The following TTC3 variants were observed in gnomAD, a reference collection of about 807,000 sequenced individuals.
The protein encoded by TTC3 is E3 ubiquitin-protein ligase TTC3.
A neutral mutation model predicts 249.6 loss-of-function variants in TTC3; 180 were observed. The observed-to-expected ratio is 0.72, with a 90% CI of 0.64 to 0.82. TTC3 has a LOEUF of 0.82. Ranked by LOEUF, TTC3 falls within the 40% of genes least tolerant of loss-of-function variation. The pLI, the probability that TTC3 is intolerant of heterozygous loss-of-function variation, is 0.00. For missense variants in TTC3, 2,061 were observed against 2,398.4 expected (o/e 0.86, Z 2.94); for synonymous variants, 717 against 805.0 (o/e 0.89, Z 1.85).
At chr21:37,082,369 G>T in intron 1 of TTC3, 1 of 446,746 alleles carries the variant, frequency 2.2e-6, no homozygotes, top group Non-Finnish European at 3.0e-6. Context: ...TCTCCTCAAT[G>T]TAGCTGTCAC....
chr21:37,191,139 T>C (rs2084037951), intron 39 of TTC3, among the ~76,000 whole-genome samples, 195 bp from the exon 40 acceptor site: 1 of 152,190 alleles, frequency 6.6e-6, no homozygotes, highest in Admixed American at 6.5e-5. Context: ...GTTTTTGTTA[T>C]ATTAATAATT....
At chr21:37,166,471 C>T (rs2081265384) in exon 33 of TTC3, 1 of 1,614,202 alleles carries the variant, frequency 6.2e-7, no homozygotes, top group Non-Finnish European at 8.5e-7. Context: ...AGTCACACTG[C>T]AGCACAGGTG....
At chr21:37,124,179 G>A (rs565857413) in intron 13 of TTC3, among the ~76,000 whole-genome samples, 8 of 130,400 alleles carry the variant, frequency 6.1e-5, no homozygotes, top group East Asian at 2.6e-4. Flanking sequence ...GCAGTGGCAC[G>A]ATCTTGGGTC....
At chr21:37,095,288 T>G in intron 8 of TTC3, 62 bp from the exon 9 acceptor site, 1 of 1,022,100 alleles carries the variant, frequency 9.8e-7, no homozygotes, top group Non-Finnish European at 1.5e-6. Flanking sequence ...TTTTACTAGG[T>G]ATTGGGTTCT....
At chr21:37,190,520 T>G (rs2083944811) in intron 39 of TTC3, among the ~76,000 whole-genome samples, 1 of 152,196 alleles carries the variant, frequency 6.6e-6, no homozygotes, top group South Asian at 2.1e-4. Context: ...ATAGGACTAG[T>G]ACAGCTGAGG....
chr21:37,197,600 G>A (rs758643479), exon 43 of TTC3: 6 of 1,611,788 alleles, frequency 3.7e-6, no homozygotes, highest in Admixed American at 3.3e-5. Flanking sequence ...TTAAAAAAGT[G>A]CGAAGCAAAA....
chr21:37,098,023 T>G, intron 10 of TTC3: 1 of 690,240 alleles, frequency 1.4e-6, no homozygotes, highest in Non-Finnish European at 2.7e-6. Flanking sequence ...ATTAACGTTA[T>G]GCAGCTTTTA....
intron 19 of TTC3, 45 bp downstream of exon 19, chr21:37,138,759 C>T: frequency 1.5e-6 from 2 of 1,302,670 alleles, no homozygotes; most frequent in Non-Finnish European, 1.1e-6. Context: ...ATGATATTGA[C>T]ATATCTTATA....
At chr21:37,094,751 G>A (rs1293162234) in intron 8 of TTC3, among the ~76,000 whole-genome samples, 3 of 152,064 alleles carry the variant, frequency 2.0e-5, no homozygotes, top group Non-Finnish European at 2.9e-5. Context: ...CAAAATTTTA[G>A]CAATTATTCA....
At chr21:37,122,489 A>C (rs2076700746) in intron 12 of TTC3, among the ~76,000 whole-genome samples, 1 of 148,684 alleles carries the variant, frequency 6.7e-6, no homozygotes, top group Non-Finnish European at 1.5e-5. Flanking sequence ...TTGGCTGTGC[A>C]GGCTAGGAGT....
At chr21:37,120,488 T>C (rs1017583602) in intron 11 of TTC3, among the ~76,000 whole-genome samples, 1 of 152,108 alleles carries the variant, frequency 6.6e-6, no homozygotes, top group Non-Finnish European at 1.5e-5. Context: ...TAGCTGTGGG[T>C]TTTTTAATGC....
chr21:37,078,436 G>T (rs1030488896), intron 1 of TTC3, among the ~76,000 whole-genome samples: 2 of 152,022 alleles, frequency 1.3e-5, no homozygotes, highest in Non-Finnish European at 2.9e-5. Context: ...TAAGAATATG[G>T]TATGTATCTC....
chr21:37,095,137 A>ATGTGTGTGTGTGTGTGTGTGTGTGTG (rs57682889), intron 8 of TTC3, among the ~76,000 whole-genome samples: 57 of 147,594 alleles, frequency 3.9e-4, no homozygotes, highest in South Asian at 2.2e-3. Context: ...CTCTAAAAAT[A>ATGTGTGTGTGTGTGTGTGTGTGTGTG]TGTGTGTGTG....
intron 15 of TTC3, 67 bp downstream of exon 15, chr21:37,126,210 C>T: frequency 6.9e-7 from 1 of 1,443,350 alleles, no homozygotes; most frequent in Non-Finnish European, 9.6e-7. Flanking sequence ...GGATGCCCTA[C>T]AATGTGCACA....
intron 8 of TTC3, among the ~76,000 whole-genome samples, chr21:37,094,849 C>T (rs762548111): frequency 6.6e-6 from 1 of 151,790 alleles, no homozygotes; most frequent in Admixed American, 6.6e-5. Context: ...ATATATATAC[C>T]GAGGCTGCAC....
At chr21:37,124,594 A>G (rs780573336) in intron 13 of TTC3, 25 bp from the exon 14 acceptor site, 9 of 1,603,114 alleles carry the variant, frequency 5.6e-6, no homozygotes, top group Admixed American at 1.7e-5. Context: ...AAAATGTATA[A>G]TAATTCCTTT....
intron 28 of TTC3, 44 bp from the exon 29 acceptor site, chr21:37,159,655 T>C (rs374208729): frequency 1.3e-6 from 2 of 1,591,602 alleles, no homozygotes; most frequent in East Asian, 2.2e-5. Context: ...TATGGAAATG[T>C]AAATATTTAG....
chr21:37,169,079 A>G (rs1048128574), intron 34 of TTC3, among the ~76,000 whole-genome samples: 2 of 452 alleles, frequency 4.4e-3, no homozygotes, highest in African/African-American at 0.016. Context: ...ACAAATTATC[A>G]CTTCTGCGCA....
Position 37,108,249 on chromosome 21 carries a change from ATATAT to A in TTC3, c.846-137_846-133del, listed in dbSNP as rs1315641074. The A allele has an allele frequency of 5.6e-5, 36 of 642,836 alleles. 1 individual carries two copies. Among genetic ancestry groups the A allele is most frequent in the South Asian group, 1.2e-4 (4 of 33,762 alleles). 39.8% of individuals were successfully genotyped at this position (642,836 alleles called of 1,614,324 possible). On this transcript the variant is annotated intron_variant, in intron 10 of 45. Coordinates refer to ENST00000355666, the Ensembl canonical transcript of TTC3. ...ATTTTCCAAATTTCCTATAATGGAC[ATATAT>A]TATATGGATTTTTTTTAATTAAAAT...
Sources: allele counts gnomAD v4.1 joint callset (sites outside exome capture counted in the v4.1 genomes callset), GRCh38; gene constraint gnomAD v4.1.1; transcripts MANE v1.5; gene names NCBI Gene and HGNC (gene_info 2026-07-23, HGNC 2026-07-21).